Variants in PPDPF observed in about 807,000 individuals in gnomAD.
PPDPF encodes pancreatic progenitor cell differentiation and proliferation factor, also known as exocrine differentiation and proliferation factor.
PPDPF carries 11 observed loss-of-function variants against 6.3 expected under a neutral mutation model. That is an observed-to-expected ratio of 1.76 (90% CI 1.11 to 2.91). PPDPF has a LOEUF of 2.91. Among genes scored for constraint, PPDPF ranks in the 30% most tolerant of loss-of-function variants. PPDPF has a pLI of 0.00. For synonymous variants in PPDPF, 86 were observed against 64.5 expected (o/e 1.33, Z -1.60); for missense variants, 202 against 159.4 (o/e 1.27, Z -1.44).
In PPDPF at chr20:63,521,668, G is replaced by A. The variant is rs2082548369; in HGVS notation, c.134G>A (p.Gly45Asp). The change falls in exon 4 of 4, where the codon GGT (glycine) becomes GAT (aspartate). Residue 45 changes from glycine (G) to aspartate (D), a missense_variant and splice_region_variant. By Grantham distance (94) the Gly-to-Asp change is moderately conservative. Coordinates refer to ENST00000370179, the MANE Select transcript of PPDPF (RefSeq NM_024299.4). ...CAAGACCCCACTTCGCTTCTCTCAG[G>A]TCTCCCCAAGGCTGACCCGGGTCAT... Reference protein sequence around the residue: ...CPGEAIPHPPGLPKADPGHWW... With the variant: ...CPGEAIPHPPDLPKADPGHWW... The A allele has an allele frequency of 3.7e-6, 6 of 1,613,342 alleles. No homozygotes were observed. Among genetic ancestry groups the A allele is most frequent in the Non-Finnish European group, 5.1e-6 (6 of 1,179,958 alleles).
chr20:63,521,858 C>T lies in PPDPF; in HGVS notation c.324C>T (p.Ala108=). 2 of 1,598,306 alleles carry T rather than the reference C, an allele frequency of 1.3e-6. No homozygotes were observed. The highest frequency in any genetic ancestry group is 1.7e-6 in the Non-Finnish European group (2 of 1,173,350). The change falls in exon 4 of 4, where the codon GCC becomes GCT. Residue 108 remains alanine, a synonymous_variant. Transcript: ENST00000370179. ...RKQPGGQSST[A]SAGPPS Reference sequence around the variant, plus strand: ...AGCCCGGCGGTCAGTCCAGCACAGCCAGCGCTGGGCCCCCGTCCTGACCTG... The same window carrying T: ...AGCCCGGCGGTCAGTCCAGCACAGCTAGCGCTGGGCCCCCGTCCTGACCTG...
Position 63,520,796 on chromosome 20 carries a change from C to T in PPDPF, c.-124C>T, listed in dbSNP as rs979593957. 51 of 982,468 alleles carry T rather than the reference C, an allele frequency of 5.2e-5. No homozygotes were observed. Among genetic ancestry groups the T allele is most frequent in the South Asian group, 1.4e-4 (3 of 21,286 alleles). 60.9% of individuals were successfully genotyped at this position (982,468 alleles called of 1,614,324 possible). ...CGCGCGCCTCTCTGTCGTGGCGCGG[C>T]TTCCCGCGGTCTTCTCTGCAAATGG... On this transcript the variant is annotated 5_prime_UTR_variant, in exon 1 of 4. Coordinates refer to ENST00000370179, the MANE Select transcript of PPDPF (RefSeq NM_024299.4).
chr20:63,521,369 T>G lies in PPDPF; in HGVS notation c.55+6T>G. ...CACCCACGACTACTACCGGCGTGAG[T>G]AGCCCCTGCCCCCCATCCACGCGGA... On this transcript the variant is annotated splice_donor_region_variant and intron_variant, in intron 2 of 3. Coordinates refer to ENST00000370179, the MANE Select transcript of PPDPF (RefSeq NM_024299.4). The G allele has an allele frequency of 6.2e-7, 1 of 1,608,348 alleles. No individual in the cohort carries two copies. The highest frequency in any genetic ancestry group is 8.5e-7 in the Non-Finnish European group (1 of 1,178,022).
rs994438308 is a variant in PPDPF at position 63,521,325 on chromosome 20, C to T, written c.17C>T (p.Ser6Phe). The T allele has an allele frequency of 4.3e-6, 7 of 1,609,478 alleles. No homozygotes were observed. The highest frequency in any genetic ancestry group is 1.7e-5 in the Admixed American group (1 of 59,852). ...AGCTAAAGCATGGCGGCCATCCCCT[C>T]CAGCGGCTCGCTCGTGGCCACCCAC... is the stretch of plus-strand genomic sequence containing the variant. Reference protein sequence around the residue: MAAIPSSGSLVATHDY... With the variant: MAAIPFSGSLVATHDY... Residue 6 changes from serine to phenylalanine, a missense_variant, in exon 2 of 4, where the codon TCC (serine) becomes TTC (phenylalanine). Ser to Phe is a radical substitution (Grantham distance 155). Coordinates refer to ENST00000370179, the MANE Select transcript of PPDPF (RefSeq NM_024299.4).
rs1569005881 is a variant in PPDPF at position 63,521,925 on chromosome 20, A to G, written c.*46A>G. 15 of 1,464,584 alleles carry G rather than the reference A, an allele frequency of 1.0e-5. No homozygotes were observed. Among genetic ancestry groups the G allele is most frequent in the Non-Finnish European group, 1.3e-5 (14 of 1,082,644 alleles). 90.7% of individuals were successfully genotyped at this position (1,464,584 alleles called of 1,614,324 possible). ...CCCAGGCCTGCGGAGGCGCTAGTCCACCAGAGCCCCTCCCCGCCCCTCTCC... is the reference window on the plus strand; with the variant it reads ...CCCAGGCCTGCGGAGGCGCTAGTCCGCCAGAGCCCCTCCCCGCCCCTCTCC... On this transcript the variant is annotated 3_prime_UTR_variant, in exon 4 of 4. Coordinates refer to ENST00000370179, the MANE Select transcript of PPDPF (RefSeq NM_024299.4).
Position 63,521,560 on chromosome 20 carries a change from G to A in PPDPF, c.104G>A (p.Cys35Tyr), listed in dbSNP as rs1262915448. The change falls in exon 3 of 4, where the codon TGC (cysteine) becomes TAC (tyrosine). Residue 35 changes from cysteine (C) to tyrosine (Y), a missense_variant. By Grantham distance (194) the Cys-to-Tyr change is radical. Coordinates refer to ENST00000370179, the MANE Select transcript of PPDPF (RefSeq NM_024299.4). ...AACAGCTCCTGCAGCAGTACCGAGTGCCCCGGGGAAGCCATTCCCCACCCC... is the reference window on the plus strand; with the variant it reads ...AACAGCTCCTGCAGCAGTACCGAGTACCCCGGGGAAGCCATTCCCCACCCC... The part of the protein sequence containing the change: ...SSNSSCSSTE[C>Y]PGEAIPHPPG... 6.2e-7 allele frequency: 1 copy of A among 1,606,346 alleles called. No individual in the cohort carries two copies. Among genetic ancestry groups the A allele is most frequent in the East Asian group, 2.2e-5 (1 of 44,812 alleles).
Position 63,521,805 on chromosome 20 carries a change from G to C in PPDPF, c.271G>C (p.Gly91Arg), listed in dbSNP as rs1032176309. ...GGCCTCCAGCAGCATGACCGCCTGT[G>C]GCCTGGCTCGGGACGCCCCGAGGAA... ...PQASSSMTAC[G>R]LARDAPRKQP... The change falls in exon 4 of 4, where the codon GGC (glycine) becomes CGC (arginine). Residue 91 changes from glycine (G) to arginine (R), a missense_variant. Gly to Arg is a moderately radical substitution (Grantham distance 125, BLOSUM62 -2). Coordinates refer to ENST00000370179, the MANE Select transcript of PPDPF (RefSeq NM_024299.4). The C allele has an allele frequency of 6.2e-7, 1 of 1,612,220 alleles. No homozygotes were observed. The highest frequency in any genetic ancestry group is 8.5e-7 in the Non-Finnish European group (1 of 1,179,836).
At chr20:63,520,980 T>A in intron 1 of PPDPF, 86 bp downstream of exon 1, 1 of 906,880 alleles carries the variant, frequency 1.1e-6, no homozygotes, top group South Asian at 5.4e-5. Context: ...TCCTCTCCTC[T>A]CCGCCTGGCG....
At position 63,520,765 on chromosome 20, in the gene PPDPF, A is replaced by C. The variant is rs897682355; in HGVS notation, c.-155A>C. On this transcript the variant is annotated 5_prime_UTR_variant, in exon 1 of 4. Coordinates refer to ENST00000370179, the MANE Select transcript of PPDPF (RefSeq NM_024299.4). ...TAAGTGGGCGCGTCCGCGCGTGCGCACCCCGCGCGCGCCTCTCTGTCGTGG... is the reference window on the plus strand; with the variant it reads ...TAAGTGGGCGCGTCCGCGCGTGCGCCCCCCGCGCGCGCCTCTCTGTCGTGG... 1.0e-6 allele frequency: 1 copy of C among 984,040 alleles called. No individual in the cohort carries two copies. The allele number at this position is 984,040 out of a possible 1,614,324, so 61.0% of individuals were successfully genotyped here.
At position 63,521,887 on chromosome 20, in the gene PPDPF, G is replaced by C. The variant is rs769356807; in HGVS notation, c.*8G>C. The C allele has an allele frequency of 5.7e-6, 9 of 1,570,400 alleles. No individual in the cohort carries two copies. The highest frequency in any genetic ancestry group is 7.8e-6 in the Non-Finnish European group (9 of 1,158,702). On this transcript the variant is annotated 3_prime_UTR_variant, in exon 4 of 4. Coordinates refer to ENST00000370179, the MANE Select transcript of PPDPF (RefSeq NM_024299.4). Reference sequence around the variant, plus strand: ...GCTGGGCCCCCGTCCTGACCTGAGCGGTTACCACCAGCCCCAGGCCTGCGG... The same window carrying C: ...GCTGGGCCCCCGTCCTGACCTGAGCCGTTACCACCAGCCCCAGGCCTGCGG...
At chr20:63,520,756 C>G, upstream of PPDPF, 1 of 984,780 alleles carries the variant, frequency 1.0e-6, no homozygotes, top group Non-Finnish European at 1.2e-6. Context: ...GGCGCGTCCG[C>G]GCGTGCGCAC....
chr20:63,521,651 C>T lies in PPDPF; in HGVS notation c.134-17C>T, dbSNP rs1600924782. 1 of 1,613,304 alleles carries T rather than the reference C, an allele frequency of 6.2e-7. No individual in the cohort carries two copies. Among genetic ancestry groups the T allele is most frequent in the Non-Finnish European group, 8.5e-7 (1 of 1,179,872 alleles). ...CCAGGAGCTGGCAGCATCAAGACCC[C>T]ACTTCGCTTCTCTCAGGTCTCCCCA... On this transcript the variant is annotated splice_polypyrimidine_tract_variant and intron_variant, in intron 3 of 3. Transcript: ENST00000370179.
rs2082555286 is a variant in PPDPF at position 63,522,118 on chromosome 20, A to G, written c.*239A>G. 3 of 578,332 alleles carry G rather than the reference A, an allele frequency of 5.2e-6. No homozygotes were observed. The highest frequency in any genetic ancestry group is 4.0e-5 in the South Asian group (2 of 49,706). 35.8% of individuals were successfully genotyped at this position (578,332 alleles called of 1,614,324 possible). A position where few individuals can be genotyped will look rare whatever the true frequency, so the allele number is the denominator to read the frequency against. Reference sequence around the variant, plus strand: ...CTCGCTAGCTTTCCTGACACCTGGAACTGTGCACCTGGCACCAAGCGGAAA... The same window carrying G: ...CTCGCTAGCTTTCCTGACACCTGGAGCTGTGCACCTGGCACCAAGCGGAAA... On this transcript the variant is annotated 3_prime_UTR_variant, in exon 4 of 4. Coordinates refer to ENST00000370179, the MANE Select transcript of PPDPF (RefSeq NM_024299.4).
chr20:63,521,565 G>A lies in PPDPF; in HGVS notation c.109G>A (p.Gly37Arg), dbSNP rs1197140646. The change falls in exon 3 of 4, where the codon GGG becomes AGG. Residue 37 changes from glycine (G) to arginine (R), a missense_variant. By Grantham distance (125) the Gly-to-Arg change is moderately radical (BLOSUM62 -2). Coordinates refer to ENST00000370179, the MANE Select transcript of PPDPF (RefSeq NM_024299.4). ...NSSCSSTECP[G>R]EAIPHPPGLP... ...CTCCTGCAGCAGTACCGAGTGCCCC[G>A]GGGAAGCCATTCCCCACCCCCCAGG... 6 of 1,606,790 alleles carry A rather than the reference G, an allele frequency of 3.7e-6. No homozygotes were observed. Among genetic ancestry groups the A allele is most frequent in the Non-Finnish European group, 5.1e-6 (6 of 1,176,496 alleles).
Position 63,521,344 on chromosome 20 carries a change from C to T in PPDPF, c.36C>T (p.Ala12=). 6.2e-7 allele frequency: 1 copy of T among 1,609,112 alleles called. No individual in the cohort carries two copies. Among genetic ancestry groups the T allele is most frequent in the East Asian group, 2.2e-5 (1 of 44,474 alleles). ...AAIPSSGSLV[A]THDYYRRRLG... is the part of the protein sequence containing the mutation. ...TCCCCTCCAGCGGCTCGCTCGTGGCCACCCACGACTACTACCGGCGTGAGT... is the reference window on the plus strand; with the variant it reads ...TCCCCTCCAGCGGCTCGCTCGTGGCTACCCACGACTACTACCGGCGTGAGT... Residue 12 remains alanine (A), a synonymous_variant, in exon 2 of 4, where the codon GCC becomes GCT. Coordinates refer to ENST00000370179, the MANE Select transcript of PPDPF (RefSeq NM_024299.4).
chr20:63,521,209 G>C, intron 1 of PPDPF, 75 bp from the exon 2 acceptor site: 2 of 1,340,050 alleles, frequency 1.5e-6, no homozygotes, highest in East Asian at 2.7e-5. Flanking sequence ...CCAGCGCGGC[G>C]GCTCCACCCG....
rs138230076 is a variant in PPDPF at position 63,521,334 on chromosome 20, C to T, written c.26C>T (p.Ser9Leu). Residue 9 changes from serine to leucine, a missense_variant, in exon 2 of 4, where the codon TCG becomes TTG. By Grantham distance (145) the Ser-to-Leu change is moderately radical. Transcript: ENST00000370179. MAAIPSSG[S>L]LVATHDYYRR... ...ATGGCGGCCATCCCCTCCAGCGGCT[C>T]GCTCGTGGCCACCCACGACTACTAC... 1.6e-4 allele frequency: 257 copies of T among 1,609,242 alleles called. No individual in the cohort carries two copies. Among genetic ancestry groups the T allele is most frequent in the Non-Finnish European group, 2.0e-4 (239 of 1,178,726 alleles).
At chr20:63,521,401 G>T in intron 2 of PPDPF, 38 bp downstream of exon 2, 1 of 1,600,846 alleles carries the variant, frequency 6.2e-7, no homozygotes, top group Non-Finnish European at 8.5e-7. Flanking sequence ...CGGATGCTCT[G>T]CTGGCGCCAG....
chr20:63,521,075 G>T (rs1000910367), intron 1 of PPDPF, among the ~76,000 whole-genome samples, 181 bp downstream of exon 1: 1 of 152,036 alleles, frequency 6.6e-6, no homozygotes, highest in African/African-American at 2.4e-5. Context: ...CGTCTGGGCC[G>T]GGGCCCCGCG....
Sources: allele counts gnomAD v4.1 joint callset (sites outside exome capture counted in the v4.1 genomes callset), GRCh38; gene constraint gnomAD v4.1.1; transcripts MANE v1.5; gene names NCBI Gene and HGNC (gene_info 2026-07-23, HGNC 2026-07-21).